The following PCDH15 variants were observed in gnomAD, a reference collection of about 807,000 sequenced individuals.
PCDH15 encodes protocadherin-15.
In PCDH15, 129 loss-of-function variants were observed where a neutral mutation model predicts 178.5. That is an observed-to-expected ratio of 0.72 (90% CI 0.63 to 0.84). The LOEUF (loss-of-function observed/expected upper bound fraction) is 0.84, where lower values mean the gene tolerates loss of function less well. PCDH15 is among the 40% of genes least tolerant of loss of function. PCDH15 has a pLI of 0.00. For missense variants in PCDH15, 2,230 were observed against 2,099.9 expected, an observed-to-expected ratio of 1.06 and a Z score of -1.21; for synonymous variants, 800 against 732.0, an observed-to-expected ratio of 1.09 and a Z score of -1.50.
chr10:54,569,071 T>C (rs1243250792), intron 2 of PCDH15, among the ~76,000 whole-genome samples: 3 of 151,814 alleles, frequency 2.0e-5, no homozygotes, highest in Non-Finnish European at 2.9e-5. Context: ...TCAGAGACCA[T>C]AGAATTTTAG....
intron 8 of PCDH15, among the ~76,000 whole-genome samples, chr10:54,261,335 G>A (rs1190394179): frequency 1.3e-5 from 2 of 151,908 alleles, no homozygotes; most frequent in African/African-American, 2.4e-5. Flanking sequence ...TGGAAAAATA[G>A]CATTTACCAG....
At chr10:55,071,790 A>G (rs1841753537) in intron 2 of PCDH15, among the ~76,000 whole-genome samples, 1 of 152,164 alleles carries the variant, frequency 6.6e-6, no homozygotes, top group Non-Finnish European at 1.5e-5. Context: ...TCAAGAGAAT[A>G]TACATTTTTT....
At chr10:54,777,267 G>C (rs970115228) in intron 1 of PCDH15, among the ~76,000 whole-genome samples, 5 of 152,158 alleles carry the variant, frequency 3.3e-5, no homozygotes, top group African/African-American at 4.8e-5. Context: ...CAATCATCGA[G>C]CGCTGGCTGC....
At chr10:54,647,103 A>T (rs1050120482) in intron 2 of PCDH15, among the ~76,000 whole-genome samples, 9 of 152,106 alleles carry the variant, frequency 5.9e-5, no homozygotes, top group Admixed American at 2.0e-4. Flanking sequence ...TCATTGACAG[A>T]TGAATACATA....
intron 1 of PCDH15, among the ~76,000 whole-genome samples, chr10:55,205,117 T>C (rs1840360872): frequency 6.6e-6 from 1 of 152,032 alleles, no homozygotes; most frequent in South Asian, 2.1e-4. Context: ...AGAAGTATAG[T>C]TTCAAGAATT....
intron 1 of PCDH15, among the ~76,000 whole-genome samples, chr10:55,235,885 C>A (rs933164601): frequency 2.4e-5 from 3 of 127,600 alleles, no homozygotes; most frequent in African/African-American, 3.0e-5. Flanking sequence ...CCAGCCTGGG[C>A]GACAGAGCGA....
At chr10:54,299,648 T>C (rs928749011) in intron 8 of PCDH15, among the ~76,000 whole-genome samples, 2 of 152,166 alleles carry the variant, frequency 1.3e-5, no homozygotes, top group African/African-American at 4.8e-5. Context: ...TGACCAGATC[T>C]AGGAGGAACT....
rs1359408661 is a variant in PCDH15, at chr10:54,666,317, A to G, written c.-28-2027T>C. Among the ~76,000 whole-genome samples, 6 of 152,196 alleles carry G rather than the reference A, an allele frequency of 3.9e-5. No individual in the cohort carries two copies. In the East Asian group the frequency reaches 1.2e-3, roughly 29 times the overall value. ...GGAAAGGTCAGGCTCAGAGAGAATA[A>G]GTGACTGGCTCAAGGTTATAAACTG... On this transcript the variant is annotated intron_variant, in intron 1 of 37. Coordinates refer to ENST00000644397, the MANE Select transcript of PCDH15 (RefSeq NM_001384140.1).
At chr10:55,307,787 T>G in intron 1 of PCDH15, among the ~76,000 whole-genome samples, 1 of 151,940 alleles carries the variant, frequency 6.6e-6, no homozygotes, top group East Asian at 1.9e-4. Context: ...CATAAAAACA[T>G]ACTTCCTAAT....
intron 1 of PCDH15, among the ~76,000 whole-genome samples, chr10:54,675,841 G>A (rs948657585): frequency 1.6e-4 from 25 of 152,038 alleles, no homozygotes; most frequent in African/African-American, 5.8e-4. Flanking sequence ...AAATAGCTTA[G>A]CCCAGATTAG....
chr10:54,682,220 C>T (rs2094914910), intron 1 of PCDH15, among the ~76,000 whole-genome samples: 1 of 152,052 alleles, frequency 6.6e-6, no homozygotes, highest in African/African-American at 2.4e-5. Flanking sequence ...TTATAATACA[C>T]TTCTTCAAGT....
At chr10:54,258,492 A>G (rs910335078) in intron 8 of PCDH15, among the ~76,000 whole-genome samples, 7 of 152,280 alleles carry the variant, frequency 4.6e-5, no homozygotes, top group Middle Eastern at 3.4e-3. Context: ...TAACCTAAAT[A>G]TAAATGAGTG....
At chr10:54,727,709 A>G (rs1942770881) in intron 1 of PCDH15, among the ~76,000 whole-genome samples, 1 of 151,434 alleles carries the variant, frequency 6.6e-6, no homozygotes, top group South Asian at 2.1e-4. Context: ...AGAAAACATG[A>G]CAGAAGATCC....
chr10:54,271,520 T>C (rs1245045962), intron 8 of PCDH15, among the ~76,000 whole-genome samples: 2 of 152,140 alleles, frequency 1.3e-5, no homozygotes, highest in Non-Finnish European at 2.9e-5. Context: ...GCCAATATTC[T>C]TACATTTAAA....
At chr10:55,018,183 T>A (rs922668826) in intron 2 of PCDH15, among the ~76,000 whole-genome samples, 8 of 152,108 alleles carry the variant, frequency 5.3e-5, no homozygotes, top group African/African-American at 1.7e-4. Flanking sequence ...AGATTAATTT[T>A]GCATTGCAGT....
chr10:54,552,447 A>T (rs2086722484), intron 2 of PCDH15, among the ~76,000 whole-genome samples: 1 of 152,138 alleles, frequency 6.6e-6, no homozygotes, highest in African/African-American at 2.4e-5. Context: ...TCCAAAACTT[A>T]AATGGCATTA....
At chr10:54,019,067 C>T (rs2092830245) in intron 20 of PCDH15, among the ~76,000 whole-genome samples, 1 of 152,000 alleles carries the variant, frequency 6.6e-6, no homozygotes, top group Non-Finnish European at 1.5e-5. Flanking sequence ...TTTTTCCTCC[C>T]TCCACTGCCC....
intron 13 of PCDH15, among the ~76,000 whole-genome samples, chr10:54,174,999 G>A (rs2047303624): frequency 6.6e-6 from 1 of 151,962 alleles, no homozygotes; most frequent in South Asian, 2.1e-4. Context: ...AAGAAATGGA[G>A]TGGTCTTTAG....
intron 5 of PCDH15, among the ~76,000 whole-genome samples, chr10:54,360,694 A>G (rs780305623): frequency 2.6e-5 from 4 of 152,052 alleles, no homozygotes; most frequent in Admixed American, 2.0e-4. Context: ...TTGATCCTAC[A>G]TCATCATCAT....
Sources: gnomAD v4.1 joint callset for allele counts (sites outside exome capture counted in the v4.1 genomes callset) on GRCh38, gnomAD v4.1.1 for gene constraint, MANE v1.5 for transcripts, NCBI Gene and HGNC (gene_info 2026-07-23, HGNC 2026-07-21) for gene names.